The following GRIN2B variants were observed in gnomAD, a reference collection of about 807,000 sequenced individuals.
The protein encoded by GRIN2B is glutamate receptor ionotropic, NMDA 2B.
In GRIN2B, 5 loss-of-function variants were observed where a neutral mutation model predicts 114.5. The observed-to-expected ratio is 0.04, with a 90% CI of 0.02 to 0.09. The LOEUF is 0.09. GRIN2B is among the 10% of genes least tolerant of loss of function. The pLI, the probability that GRIN2B is intolerant of heterozygous loss-of-function variation, is 1.00. For synonymous variants in GRIN2B, 787 were observed against 745.1 expected, an observed-to-expected ratio of 1.06 and a Z score of -0.92; for missense variants, 1,108 against 1,943.5, an observed-to-expected ratio of 0.57 and a Z score of 8.08.
At chr12:13,669,204 A>C (rs1345271104) in intron 5 of GRIN2B, among the ~76,000 whole-genome samples, 1 of 151,960 alleles carries the variant, frequency 6.6e-6, no homozygotes, top group African/African-American at 2.4e-5. Flanking sequence ...CCTTTAGCTA[A>C]TATAAACCCT....
chr12:13,907,712 A>T (rs10466774), intron 2 of GRIN2B, among the ~76,000 whole-genome samples: 25,249 of 152,066 alleles, frequency 0.17, 2,291 homozygotes, highest in Non-Finnish European at 0.19. Context: ...TATGGATGTT[A>T]TACATATGAA....
intron 2 of GRIN2B, among the ~76,000 whole-genome samples, chr12:13,900,686 C>CT (rs1265540718): frequency 6.6e-6 from 1 of 152,082 alleles, no homozygotes; most frequent in Non-Finnish European, 1.5e-5. Context: ...CGTATTCTTC[C>CT]TTTTCTTTGT....
At chr12:13,919,266 C>A (rs1157364900) in intron 2 of GRIN2B, among the ~76,000 whole-genome samples, 1 of 152,150 alleles carries the variant, frequency 6.6e-6, no homozygotes, top group African/African-American at 2.4e-5. Context: ...CTAGTTTATA[C>A]TTTATGGTTC....
intron 4 of GRIN2B, among the ~76,000 whole-genome samples, chr12:13,722,941 C>T (rs1862905806): frequency 6.6e-6 from 1 of 152,094 alleles, no homozygotes. Context: ...ATCACTTCTG[C>T]TCTGGCTTCA....
chr12:13,545,375 C>G lies in GRIN2B; in HGVS notation c.*17408G>C, dbSNP rs947429920. The G allele has an allele frequency of 6.6e-6, 1 of 152,168 alleles. No homozygotes were observed. The highest frequency in any genetic ancestry group is 2.4e-5 in the African/African-American group (1 of 41,436). 9.4% of individuals were successfully genotyped at this position (152,168 alleles called of 1,614,324 possible). A position where few individuals can be genotyped will look rare whatever the true frequency, so the allele number is the denominator to read the frequency against. The stretch of plus-strand genomic sequence containing the variant: ...TTTCCTCTCATCAACATACAAACTT[C>G]AAGAGGGTATGGACTTTGTGTGGTT... On this transcript the variant is annotated 3_prime_UTR_variant, in exon 14 of 14. Coordinates refer to ENST00000609686, the MANE Select transcript of GRIN2B (RefSeq NM_000834.5).
intron 3 of GRIN2B, among the ~76,000 whole-genome samples, chr12:13,853,328 ATAAC>A (rs2136730603): frequency 6.6e-6 from 1 of 152,380 alleles, no homozygotes; most frequent in African/African-American, 2.4e-5. Flanking sequence ...TTGTGAATAA[ATAAC>A]TGAGAAAGTA....
chr12:13,660,383 C>G (rs1217237631), intron 5 of GRIN2B, among the ~76,000 whole-genome samples: 2 of 152,112 alleles, frequency 1.3e-5, no homozygotes, highest in African/African-American at 4.8e-5. Flanking sequence ...TGTCTATTTA[C>G]CTTTATATTT....
At chr12:13,945,486 G>A (rs531771585) in intron 2 of GRIN2B, among the ~76,000 whole-genome samples, 3 of 152,270 alleles carry the variant, frequency 2.0e-5, no homozygotes, top group East Asian at 1.9e-4. Context: ...CTGTTGATAC[G>A]AGAACCTTGG....
chr12:13,569,912 G>T lies in GRIN2B; in HGVS notation c.2277C>A (p.Ser759=). 6.2e-7 allele frequency: 1 copy of T among 1,613,210 alleles called. No homozygotes were observed. Among genetic ancestry groups the T allele is most frequent in the African/African-American group, 1.3e-5 (1 of 75,026 alleles). Residue 759 remains serine, a synonymous_variant, in exon 12 of 14, where the codon TCC becomes TCA. Coordinates refer to ENST00000609686, the MANE Select transcript of GRIN2B (RefSeq NM_000834.5). The part of the protein sequence containing the change: ...VTIGSGKVFA[S]TGYGIAIQKD... ...TTTGGATGGCAATGCCATAGCCAGT[G>T]GAAGCAAAGACCTTCCCACTGCCAA...
At chr12:13,599,950 T>C (rs967512556) in intron 10 of GRIN2B, among the ~76,000 whole-genome samples, 1 of 152,256 alleles carries the variant, frequency 6.6e-6, no homozygotes, top group East Asian at 1.9e-4. Flanking sequence ...CAACATCCCA[T>C]GCTGTGTACT....
intron 5 of GRIN2B, among the ~76,000 whole-genome samples, chr12:13,620,704 G>A (rs1949501516): frequency 6.6e-6 from 1 of 152,112 alleles, no homozygotes; most frequent in East Asian, 1.9e-4. Context: ...GCATTCTGAG[G>A]TGCCTTCCAC....
chr12:13,766,326 G>A (rs1467497154), intron 3 of GRIN2B, among the ~76,000 whole-genome samples: 6 of 152,164 alleles, frequency 3.9e-5, no homozygotes, highest in Non-Finnish European at 7.4e-5. Context: ...GAGAAGAGAG[G>A]GCACTATGTC....
intron 10 of GRIN2B, among the ~76,000 whole-genome samples, chr12:13,593,167 G>A (rs1205863818): frequency 6.6e-6 from 1 of 152,136 alleles, no homozygotes; most frequent in Non-Finnish European, 1.5e-5. Context: ...AGCTACCATT[G>A]ACTTTCTTCA....
intron 3 of GRIN2B, among the ~76,000 whole-genome samples, chr12:13,837,019 A>C (rs1281974382): frequency 1.3e-5 from 2 of 152,234 alleles, no homozygotes; most frequent in East Asian, 1.9e-4. Context: ...ATTGGCTTAC[A>C]TCAAATCATT....
At position 13,542,533 on chromosome 12, in the gene GRIN2B, G is replaced by C. The variant is rs948047158; in HGVS notation, c.*20250C>G. ...AAGAGGTACCAGAGTTCCATGTGCTGCCATCAAGTCCCTGCCCCGGGCACT... is the reference window on the plus strand; with the variant it reads ...AAGAGGTACCAGAGTTCCATGTGCTCCCATCAAGTCCCTGCCCCGGGCACT... On this transcript the variant is annotated 3_prime_UTR_variant, in exon 14 of 14. Coordinates refer to ENST00000609686, the MANE Select transcript of GRIN2B (RefSeq NM_000834.5). The C allele has an allele frequency of 3.9e-5, 6 of 152,108 alleles. No individual in the cohort carries two copies. Among genetic ancestry groups the C allele is most frequent in the African/African-American group, 1.4e-4 (6 of 41,402 alleles). 9.4% of individuals were successfully genotyped at this position (152,108 alleles called of 1,614,324 possible).
chr12:13,669,528 C>G (rs561936914), intron 5 of GRIN2B, among the ~76,000 whole-genome samples: 1 of 152,204 alleles, frequency 6.6e-6, no homozygotes, highest in African/African-American at 2.4e-5. Flanking sequence ...TGTTTCACCC[C>G]CTTAGATGCC....
intron 3 of GRIN2B, among the ~76,000 whole-genome samples, chr12:13,850,694 C>A (rs867307141): frequency 2.0e-5 from 3 of 152,150 alleles, no homozygotes; most frequent in Admixed American, 6.5e-5. Flanking sequence ...CTCCAGTTAG[C>A]CCCTGTTGCA....
chr12:13,921,816 T>C (rs1252503486), intron 2 of GRIN2B, among the ~76,000 whole-genome samples: 3 of 152,138 alleles, frequency 2.0e-5, no homozygotes, highest in African/African-American at 7.2e-5. Flanking sequence ...CAACAGTCCC[T>C]GGCCCACAGT....
chr12:13,809,949 T>C (rs1443369109), intron 3 of GRIN2B, among the ~76,000 whole-genome samples: 2 of 152,186 alleles, frequency 1.3e-5, no homozygotes, highest in Non-Finnish European at 2.9e-5. Context: ...TCCCCAGTCT[T>C]TCTGCTCTAG....
Sources: allele counts gnomAD v4.1 joint callset (sites outside exome capture counted in the v4.1 genomes callset), GRCh38; gene constraint gnomAD v4.1.1; transcripts MANE v1.5; gene names NCBI Gene and HGNC (gene_info 2026-07-23, HGNC 2026-07-21).